KIF26B: variants seen among roughly 807,000 people sequenced by gnomAD.
KIF26B encodes kinesin-like protein KIF26B.
KIF26B carries 63 observed loss-of-function variants against 151.2 expected under a neutral mutation model. The observed-to-expected ratio is 0.42, with a 90% CI of 0.34 to 0.51. The LOEUF (loss-of-function observed/expected upper bound fraction) is 0.51, where lower values mean the gene tolerates loss of function less well. Ranked by LOEUF, KIF26B falls within the 20% of genes least tolerant of loss-of-function variation. The pLI, the probability that KIF26B is intolerant of heterozygous loss-of-function variation, is 0.07. For synonymous variants in KIF26B, 1,357 were observed against 1,262.1 expected (o/e 1.08, Z -1.59); for missense variants, 2,813 against 2,913.6 (o/e 0.97, Z 0.79).
chr1:245,481,651 G>A lies in KIF26B; in HGVS notation c.1167-59116G>A, dbSNP rs150602243. 3.0e-3 allele frequency among the ~76,000 whole-genome samples: 451 copies of A among 151,928 alleles called. 4 individuals carry two copies. Among genetic ancestry groups the A allele is most frequent in the African/African-American group, 9.1e-3 (379 of 41,482 alleles). ...GGAGTGTCAAACCTCCTGTCAACTC[G>A]CCATAAAGACAAGGAAGAGATTTCC... On this transcript the variant is annotated intron_variant, in intron 4 of 14. Coordinates refer to ENST00000407071, the MANE Select transcript of KIF26B (RefSeq NM_018012.4).
intron 4 of KIF26B, among the ~76,000 whole-genome samples, chr1:245,527,887 G>A (rs573267115): frequency 1.3e-5 from 2 of 151,756 alleles, no homozygotes; most frequent in East Asian, 3.9e-4. Flanking sequence ...GGTGTTTACA[G>A]TTCTTTTAAT....
chr1:245,386,462 C>G (rs374583531), intron 3 of KIF26B, among the ~76,000 whole-genome samples: 6 of 152,196 alleles, frequency 3.9e-5, no homozygotes, highest in East Asian at 3.9e-4. Flanking sequence ...GATGAGGGAG[C>G]GTGCTACTTC....
At chr1:245,520,132 A>AGC (rs1558197007) in intron 4 of KIF26B, among the ~76,000 whole-genome samples, 1 of 151,808 alleles carries the variant, frequency 6.6e-6, no homozygotes, top group African/African-American at 2.4e-5. Flanking sequence ...AGAGAGAGAG[A>AGC]GAGAGAGAGA....
intron 5 of KIF26B, among the ~76,000 whole-genome samples, chr1:245,571,546 C>T (rs988749354): frequency 6.6e-6 from 1 of 152,212 alleles, no homozygotes; most frequent in Admixed American, 6.5e-5. Flanking sequence ...TTGAGAGGTG[C>T]CTGTCCATTA....
chr1:245,410,754 T>C (rs965769107), intron 3 of KIF26B, among the ~76,000 whole-genome samples: 4 of 152,216 alleles, frequency 2.6e-5, no homozygotes, highest in Non-Finnish European at 1.5e-5. Context: ...TTTTTTATTG[T>C]GGTAAAATAT....
At chr1:245,438,616 A>C (rs1658989789) in intron 4 of KIF26B, among the ~76,000 whole-genome samples, 1 of 152,166 alleles carries the variant, frequency 6.6e-6, no homozygotes, top group Non-Finnish European at 1.5e-5. Flanking sequence ...AGTGTTATTC[A>C]TCAAAGCCCC....
At chr1:245,410,709 C>A (rs1295101892) in intron 3 of KIF26B, among the ~76,000 whole-genome samples, 2 of 152,198 alleles carry the variant, frequency 1.3e-5, no homozygotes, top group Admixed American at 6.5e-5. Flanking sequence ...CTCGGCCCCC[C>A]AAAGGCTTGA....
intron 5 of KIF26B, among the ~76,000 whole-genome samples, chr1:245,551,464 A>G (rs114640188): frequency 0.033 from 4,995 of 152,326 alleles, 95 homozygotes; most frequent in South Asian, 0.045. Context: ...ATAGAAATCC[A>G]TGGAAAGCTA....
chr1:245,427,754 C>T (rs1238606909), intron 4 of KIF26B, among the ~76,000 whole-genome samples: 2 of 152,240 alleles, frequency 1.3e-5, no homozygotes, highest in African/African-American at 2.4e-5. Context: ...GCCAGGGTCC[C>T]GTTCTGACTT....
At chr1:245,396,352 TAA>T (rs58986742) in intron 3 of KIF26B, among the ~76,000 whole-genome samples, 34,933 of 151,946 alleles carry the variant, frequency 0.23, 6,099 homozygotes, top group African/African-American at 0.49. Flanking sequence ...AAATACCAAA[TAA>T]AATATGTATG....
intron 2 of KIF26B, among the ~76,000 whole-genome samples, chr1:245,347,880 A>C (rs1449076841): frequency 6.6e-6 from 1 of 152,242 alleles, no homozygotes; most frequent in Non-Finnish European, 1.5e-5. Flanking sequence ...ACTATGTGCC[A>C]GTTACTGTTC....
rs1444373258 is a variant in KIF26B at position 245,688,289 on chromosome 1, A to G, written c.5306A>G (p.Gln1769Arg). 8 of 1,596,336 alleles carry G rather than the reference A, an allele frequency of 5.0e-6. No individual in the cohort carries two copies. The highest frequency in any genetic ancestry group is 6.8e-6 in the Non-Finnish European group (8 of 1,178,280). The change falls in exon 12 of 15, where the codon CAG becomes CGG. Residue 1769 changes from glutamine (Q) to arginine (R), a missense_variant. Physicochemically the swap from Gln to Arg is conservative, Grantham distance 43. Transcript: ENST00000407071. ...STKSLPQAVG[Q>R]GSSSPPGGKH... ...AAGTCCCTGCCGCAGGCGGTGGGCC[A>G]GGGCTCCAGCTCGCCCCCCGGTGGG...
At chr1:245,444,104 C>CACTGTTCACCTAGAGCGGTCATCTCCCTT (rs879778547) in intron 4 of KIF26B, among the ~76,000 whole-genome samples, 2 of 143,440 alleles carry the variant, frequency 1.4e-5, no homozygotes, top group South Asian at 2.5e-4. Context: ...TCATCTCCCT[C>CACTGTTCACCTAGAGCGGTCATCTCCCTT]ACTGTTCACC....
At chr1:245,185,522 C>T (rs1345474122) in intron 2 of KIF26B, among the ~76,000 whole-genome samples, 1 of 152,140 alleles carries the variant, frequency 6.6e-6, no homozygotes, top group Non-Finnish European at 1.5e-5. Context: ...GCTGTCATTA[C>T]CCCAAAAGTC....
At chr1:245,251,186 A>T (rs142254756) in intron 2 of KIF26B, among the ~76,000 whole-genome samples, 62 of 152,272 alleles carry the variant, frequency 4.1e-4, no homozygotes, top group African/African-American at 1.3e-3. Context: ...CAAATTCCAG[A>T]TTCTCAGAAG....
Position 245,685,418 on chromosome 1 carries a change from C to T in KIF26B, c.2435C>T (p.Ser812Leu), listed in dbSNP as rs1212615106. Reference protein sequence around the residue: ...KKKKTKYTSSSSGGESSCEEG... With the variant: ...KKKKTKYTSSLSGGESSCEEG... The stretch of plus-strand genomic sequence containing the variant: ...TCTCACTCACAGTACACATCCAGCT[C>T]GTCCGGCGGGGAGAGCTCCTGCGAA... Residue 812 changes from serine (S) to leucine (L), a missense_variant, in exon 12 of 15, where the codon TCG becomes TTG. Physicochemically the swap from Ser to Leu is moderately radical, Grantham distance 145. Around this residue, in one of 3 missense-constraint regions of KIF26B, gnomAD observed 2,060 missense variants for 2,088.6 expected, o/e 0.99. Transcript: ENST00000407071. The T allele has an allele frequency of 4.3e-6, 7 of 1,611,096 alleles. No individual in the cohort carries two copies. The highest frequency in any genetic ancestry group is 2.2e-5 in the East Asian group (1 of 44,802).
chr1:245,294,495 C>A (rs184568371), intron 2 of KIF26B, among the ~76,000 whole-genome samples: 1 of 152,138 alleles, frequency 6.6e-6, no homozygotes. Flanking sequence ...TCAAAGTTAA[C>A]AAGACTACCC....
At chr1:245,341,303 GTTTTTTTTTTTTTT>G (rs34249209) in intron 2 of KIF26B, among the ~76,000 whole-genome samples, 73 of 82,590 alleles carry the variant, frequency 8.8e-4, no homozygotes, top group African/African-American at 1.7e-3. Context: ...AAAAGATGCA[GTTTTTTTTTTTTTT>G]TTTTTTTTTT....
intron 2 of KIF26B, among the ~76,000 whole-genome samples, chr1:245,336,135 C>G (rs1406122235): frequency 1.5e-5 from 2 of 137,054 alleles, no homozygotes; most frequent in African/African-American, 2.8e-5. Context: ...GAGTCCCACG[C>G]AGGGAGAGTC....
Sources: gnomAD v4.1 joint callset for allele counts (sites outside exome capture counted in the v4.1 genomes callset) on GRCh38, gnomAD v4.1.1 for gene constraint, gnomAD v4.1.1 regional missense constraint, MANE v1.5 for transcripts, NCBI Gene and HGNC (gene_info 2026-07-23, HGNC 2026-07-21) for gene names.